The following AGAP1 variants were observed in gnomAD, a reference collection of about 807,000 sequenced individuals.
AGAP1 encodes ArfGAP with GTPase domain, ankyrin repeat and PH domain 1.
Under a neutral mutation model 105.3 loss-of-function variants are expected in AGAP1, and 29 were observed. The ratio of observed to expected loss-of-function variants is 0.28; its 90% CI spans 0.21 to 0.38. AGAP1 has a LOEUF of 0.38. Ranked by LOEUF, AGAP1 falls within the 10% of genes least tolerant of loss-of-function variation. The probability of loss-of-function intolerance (pLI) is 1.00; values close to 1 mark genes in which losing one functional copy is unlikely to be tolerated. For synonymous variants in AGAP1, 509 were observed against 485.9 expected, an observed-to-expected ratio of 1.05 and a Z score of -0.63; for missense variants, 998 against 1,165.1, an observed-to-expected ratio of 0.86 and a Z score of 2.09.
rs749777108 is a variant in AGAP1, at chr2:235,970,810, A to G, written c.1645+2187A>G. Among the ~76,000 whole-genome samples the G allele has an allele frequency of 6.6e-6, 1 of 152,200 alleles. No individual in the cohort carries two copies. Among genetic ancestry groups the G allele is most frequent in the African/African-American group, 2.4e-5 (1 of 41,448 alleles). On this transcript the variant is annotated intron_variant, in intron 13 of 17. Coordinates refer to ENST00000304032, the MANE Select transcript of AGAP1 (RefSeq NM_001037131.3). The surrounding 1 kb of genome is among the most constrained non-coding windows in gnomAD (Gnocchi z 5.4). ...GGAAGTTTGACAAGTGACCGTGACCACGTTGGACGCCTGATGTTTCAGGTC... is the reference window on the plus strand; with the variant it reads ...GGAAGTTTGACAAGTGACCGTGACCGCGTTGGACGCCTGATGTTTCAGGTC...
rs1008546127 is a variant in AGAP1 at position 236,096,968 on chromosome 2, T to C, written c.2115-23224T>C. On this transcript the variant is annotated intron_variant, in intron 16 of 17. Coordinates refer to ENST00000304032, the MANE Select transcript of AGAP1 (RefSeq NM_001037131.3). The surrounding 1 kb of genome is among the most constrained non-coding windows in gnomAD (Gnocchi z 4.4). ...GACTTTTTTACCAAATGCATTGAGC[T>C]GAATGGAAAAAACAAACTTTATTGG... is the stretch of plus-strand genomic sequence containing the variant. Among the ~76,000 whole-genome samples the C allele has an allele frequency of 6.6e-6, 1 of 152,198 alleles. No individual in the cohort carries two copies. Among genetic ancestry groups the C allele is most frequent in the Non-Finnish European group, 1.5e-5 (1 of 68,032 alleles).
At chr2:236,023,395 A>G (rs1280414934) in intron 13 of AGAP1, among the ~76,000 whole-genome samples, 1 of 152,352 alleles carries the variant, frequency 6.6e-6, no homozygotes, top group Non-Finnish European at 1.5e-5. Context: ...AGTAGGTTCC[A>G]GGAGAGAGAA....
rs1344879365 is a variant in AGAP1 at position 235,888,502 on chromosome 2, T to C, written c.1155+5053T>C. ...GACAGGCAAGCAAGGGCCGAGTTGATAGACCTGCCTGGGCAACATGGAGAG... is the reference window on the plus strand; with the variant it reads ...GACAGGCAAGCAAGGGCCGAGTTGACAGACCTGCCTGGGCAACATGGAGAG... On this transcript the variant is annotated intron_variant, in intron 10 of 17. Coordinates refer to ENST00000304032, the MANE Select transcript of AGAP1 (RefSeq NM_001037131.3). This position sits in a 1 kb window ranked among gnomAD's most constrained non-coding sequence, Gnocchi z 4.8. 6.6e-6 allele frequency among the ~76,000 whole-genome samples: 1 copy of C among 151,988 alleles called. No individual in the cohort carries two copies. Among genetic ancestry groups the C allele is most frequent in the Non-Finnish European group, 1.5e-5 (1 of 67,980 alleles).
rs150067143 is a variant in AGAP1, at chr2:235,908,362, T to C, written c.1156-376T>C. ...AGACAGAAAGGTTATTACAAAATGG[T>C]TTCCTACTCCATGGAATTTTACTTG... On this transcript the variant is annotated intron_variant, in intron 10 of 17. Transcript: ENST00000304032. This position sits in a 1 kb window ranked among gnomAD's most constrained non-coding sequence, Gnocchi z 4.4. Among the ~76,000 whole-genome samples the C allele has an allele frequency of 2.0e-5, 3 of 152,310 alleles. No homozygotes were observed. The highest frequency in any genetic ancestry group is 6.5e-5 in the Admixed American group (1 of 15,292).
intron 6 of AGAP1, among the ~76,000 whole-genome samples, chr2:235,759,250 G>A (rs559494659): frequency 1.4e-5 from 2 of 145,382 alleles, no homozygotes; most frequent in African/African-American, 5.1e-5. Context: ...CTCACTGCAA[G>A]CTCCACCTCC....
chr2:235,919,150 T>C lies in AGAP1; in HGVS notation c.1324+10244T>C, dbSNP rs554375402. 6.6e-6 allele frequency among the ~76,000 whole-genome samples: 1 copy of C among 152,166 alleles called. No individual in the cohort carries two copies. Among genetic ancestry groups the C allele is most frequent in the Non-Finnish European group, 1.5e-5 (1 of 68,000 alleles). ...GAGGAGGTGCCCGGAAGAGCCTCTG[T>C]GAATTACCCGCGCCCCCTCCACCAG... is the stretch of plus-strand genomic sequence containing the variant. On this transcript the variant is annotated intron_variant, in intron 11 of 17. Transcript: ENST00000304032. This position sits in a 1 kb window ranked among gnomAD's most constrained non-coding sequence, Gnocchi z 4.1.
intron 1 of AGAP1, among the ~76,000 whole-genome samples, chr2:235,580,459 G>C (rs1049508791): frequency 1.3e-5 from 2 of 151,932 alleles, no homozygotes; most frequent in African/African-American, 2.4e-5. Context: ...GGAGGCAGTG[G>C]GGGAGGGAGG....
Position 235,863,049 on chromosome 2 carries a change from C to T in AGAP1, c.1051-20296C>T, listed in dbSNP as rs149552845. 4.6e-3 allele frequency among the ~76,000 whole-genome samples: 703 copies of T among 152,324 alleles called. 8 individuals carry two copies. The highest frequency in any genetic ancestry group is 0.016 in the African/African-American group (673 of 41,558). ...ATATTACCTTGCCCAATTACTTAACCTCCATGAAACTTTTTACCATTCATG... is the reference window on the plus strand; with the variant it reads ...ATATTACCTTGCCCAATTACTTAACTTCCATGAAACTTTTTACCATTCATG... On this transcript the variant is annotated intron_variant, in intron 9 of 17. Coordinates refer to ENST00000304032, the MANE Select transcript of AGAP1 (RefSeq NM_001037131.3).
intron 6 of AGAP1, among the ~76,000 whole-genome samples, chr2:235,767,569 G>A (rs1955069467): frequency 6.6e-6 from 1 of 152,188 alleles, no homozygotes; most frequent in African/African-American, 2.4e-5. Flanking sequence ...CATGACGGGA[G>A]TTGATCATTT....
chr2:235,538,554 C>T (rs1445592511), intron 1 of AGAP1, among the ~76,000 whole-genome samples: 4 of 151,478 alleles, frequency 2.6e-5, no homozygotes, highest in Admixed American at 6.6e-5. Flanking sequence ...CATAGGTTTC[C>T]GCACGCCTTG....
rs1472374464 is a variant in AGAP1, at chr2:235,754,757, C to T, written c.673+4269C>T. Among the ~76,000 whole-genome samples, 1 of 152,214 alleles carries T rather than the reference C, an allele frequency of 6.6e-6. No individual in the cohort carries two copies. The highest frequency in any genetic ancestry group is 2.4e-5 in the African/African-American group (1 of 41,444). Reference sequence around the variant, plus strand: ...CATCTGAGCACCAGCTTCCCACACACTGTGCGTCTGGTCAGGGGCTAGAGG... The same window carrying T: ...CATCTGAGCACCAGCTTCCCACACATTGTGCGTCTGGTCAGGGGCTAGAGG... On this transcript the variant is annotated intron_variant, in intron 6 of 17. Coordinates refer to ENST00000304032, the MANE Select transcript of AGAP1 (RefSeq NM_001037131.3). The surrounding 1 kb of genome is among the most constrained non-coding windows in gnomAD (Gnocchi z 4.6).
At chr2:235,838,946 C>T (rs368700727) in intron 9 of AGAP1, among the ~76,000 whole-genome samples, 10 of 152,184 alleles carry the variant, frequency 6.6e-5, no homozygotes, top group African/African-American at 1.9e-4. Context: ...GAAATGTTGC[C>T]GCTCGGGAAT....
intron 16 of AGAP1, among the ~76,000 whole-genome samples, chr2:236,093,650 T>A: frequency 6.6e-6 from 1 of 152,098 alleles, no homozygotes; most frequent in Non-Finnish European, 1.5e-5. Flanking sequence ...GGGAGAGAAA[T>A]TCAGCCCTAG....
intron 1 of AGAP1, among the ~76,000 whole-genome samples, chr2:235,688,048 C>A (rs927665625): frequency 6.6e-6 from 1 of 151,878 alleles, no homozygotes; most frequent in Non-Finnish European, 1.5e-5. Context: ...ATTACAGGCA[C>A]GCACCACCAT....
intron 9 of AGAP1, among the ~76,000 whole-genome samples, chr2:235,876,300 A>G (rs2049722505): frequency 1.3e-5 from 2 of 152,222 alleles, no homozygotes; most frequent in Non-Finnish European, 1.5e-5. Flanking sequence ...TGATTACGTC[A>G]TGATTTTAAT....
intron 9 of AGAP1, among the ~76,000 whole-genome samples, chr2:235,837,906 G>A (rs761286796): frequency 6.6e-6 from 1 of 152,130 alleles, no homozygotes; most frequent in Non-Finnish European, 1.5e-5. Context: ...GTCAGAGCCG[G>A]GGGTGGTGGC....
At chr2:235,896,135 G>C (rs1326448207) in intron 10 of AGAP1, among the ~76,000 whole-genome samples, 1 of 152,168 alleles carries the variant, frequency 6.6e-6, no homozygotes, top group Non-Finnish European at 1.5e-5. Flanking sequence ...CTGGCAACCA[G>C]CATTCCAGTT....
intron 1 of AGAP1, among the ~76,000 whole-genome samples, chr2:235,637,699 C>G (rs1235490804): frequency 1.3e-5 from 2 of 152,106 alleles, no homozygotes; most frequent in Non-Finnish European, 2.9e-5. Flanking sequence ...GTGAGTGTTG[C>G]ATTATTCAGG....
At chr2:235,822,744 G>T (rs1261248724) in intron 9 of AGAP1, among the ~76,000 whole-genome samples, 2 of 152,198 alleles carry the variant, frequency 1.3e-5, no homozygotes, top group Non-Finnish European at 2.9e-5. Flanking sequence ...CCCTGAGTGA[G>T]CCCGAGCTGG....
Sources: allele counts gnomAD v4.1 joint callset (sites outside exome capture counted in the v4.1 genomes callset), GRCh38; gene constraint gnomAD v4.1.1; non-coding constraint Gnocchi (gnomAD v3.1); transcripts MANE v1.5; gene names NCBI Gene and HGNC (gene_info 2026-07-23, HGNC 2026-07-21).